Variants in RABGAP1L observed in about 807,000 individuals in gnomAD.
RABGAP1L encodes the protein rab GTPase-activating protein 1-like.
In RABGAP1L, 63 loss-of-function variants were observed where a neutral mutation model predicts 137.7. That is an observed-to-expected ratio of 0.46 (90% CI 0.37 to 0.56). The LOEUF is 0.56. Ranked by LOEUF, RABGAP1L falls within the 20% of genes least tolerant of loss-of-function variation. RABGAP1L has a pLI of 0.00. For synonymous variants in RABGAP1L, 431 were observed against 433.7 expected, an observed-to-expected ratio of 0.99 and a Z score of 0.08; for missense variants, 1,095 against 1,244.0, an observed-to-expected ratio of 0.88 and a Z score of 1.80.
chr1:174,327,980 C>CATATATATATATATATAT (rs1171437559), intron 11 of RABGAP1L, among the ~76,000 whole-genome samples: 3 of 105,940 alleles, frequency 2.8e-5, no homozygotes, highest in African/African-American at 8.2e-5. Context: ...TATATATATA[C>CATATATATATATATATAT]ACACACATAT....
At chr1:174,240,705 G>A (rs1299364640) in intron 4 of RABGAP1L, among the ~76,000 whole-genome samples, 9 of 152,204 alleles carry the variant, frequency 5.9e-5, no homozygotes, top group Admixed American at 5.9e-4. Flanking sequence ...TTAGGGCTTA[G>A]ATAAACTAAT....
intron 11 of RABGAP1L, among the ~76,000 whole-genome samples, chr1:174,346,627 CTT>C (rs965330204): frequency 6.6e-6 from 1 of 150,482 alleles, no homozygotes; most frequent in Non-Finnish European, 1.5e-5. Flanking sequence ...TGGGGCTTCT[CTT>C]TTTTTTTCTT....
At chr1:174,461,046 A>G (rs981618027) in intron 13 of RABGAP1L, among the ~76,000 whole-genome samples, 2 of 152,186 alleles carry the variant, frequency 1.3e-5, no homozygotes, top group African/African-American at 2.4e-5. Flanking sequence ...GAATTCTGTC[A>G]GTGCTGTTCT....
At chr1:174,647,144 C>T (rs781127040) in intron 14 of RABGAP1L, among the ~76,000 whole-genome samples, 1 of 152,104 alleles carries the variant, frequency 6.6e-6, no homozygotes, top group Non-Finnish European at 1.5e-5. Context: ...ATAATCATGT[C>T]ATCTGCAAAC....
chr1:174,633,799 A>C (rs1464488532), intron 13 of RABGAP1L, among the ~76,000 whole-genome samples: 36 of 139,614 alleles, frequency 2.6e-4, no homozygotes, highest in African/African-American at 8.5e-4. Flanking sequence ...TTCCCTATTT[A>C]ATAAATGGTG....
At chr1:174,429,022 TA>T (rs1652285788) in intron 13 of RABGAP1L, among the ~76,000 whole-genome samples, 1 of 152,230 alleles carries the variant, frequency 6.6e-6, no homozygotes, top group East Asian at 1.9e-4. Flanking sequence ...TACAGCTATG[TA>T]AAATTAAATT....
chr1:174,430,860 A>T (rs1200002772), intron 13 of RABGAP1L, among the ~76,000 whole-genome samples: 1 of 152,202 alleles, frequency 6.6e-6, no homozygotes, highest in Non-Finnish European at 1.5e-5. Flanking sequence ...TCATAAAGAC[A>T]AGAGCATGAG....
intron 19 of RABGAP1L, among the ~76,000 whole-genome samples, chr1:174,906,132 C>T (rs142776743): frequency 2.6e-5 from 4 of 152,188 alleles, no homozygotes; most frequent in Non-Finnish European, 5.9e-5. Context: ...ATTCTTCCAC[C>T]TCAGCCTCCT....
intron 20 of RABGAP1L, chr1:174,957,930 C>T (rs766884465): frequency 6.3e-7 from 1 of 1,580,206 alleles, no homozygotes; most frequent in South Asian, 1.2e-5. Context: ...TGCATTTATA[C>T]TGGGAATCTT....
At chr1:174,985,933 CCTTT>C (rs937331920) in intron 24 of RABGAP1L, among the ~76,000 whole-genome samples, 2 of 152,086 alleles carry the variant, frequency 1.3e-5, no homozygotes, top group East Asian at 1.9e-4. Context: ...ACCAATCCTT[CCTTT>C]CTTTTTTTCT....
chr1:174,766,615 AG>A (rs972835714), intron 18 of RABGAP1L, among the ~76,000 whole-genome samples: 2 of 152,180 alleles, frequency 1.3e-5, no homozygotes, highest in Non-Finnish European at 1.5e-5. Context: ...TCAGTTTGTC[AG>A]TTTCTGCCAA....
At chr1:174,327,980 C>CATATATATATATATAT (rs1171437559) in intron 11 of RABGAP1L, among the ~76,000 whole-genome samples, 1 of 105,940 alleles carries the variant, frequency 9.4e-6, no homozygotes, top group African/African-American at 4.1e-5. Context: ...TATATATATA[C>CATATATATATATATAT]ACACACATAT....
intron 14 of RABGAP1L, among the ~76,000 whole-genome samples, chr1:174,682,040 G>A (rs1168590096): frequency 6.6e-6 from 1 of 152,068 alleles, no homozygotes; most frequent in East Asian, 1.9e-4. Context: ...TAGCACTTTG[G>A]GAGGCTGAGG....
At chr1:174,334,814 G>A (rs894508406) in intron 11 of RABGAP1L, among the ~76,000 whole-genome samples, 2 of 152,154 alleles carry the variant, frequency 1.3e-5, no homozygotes, top group African/African-American at 4.8e-5. Context: ...GGATAGTAAT[G>A]TCAATGAATG....
In RABGAP1L at chr1:174,596,688, C is replaced by T. The variant is rs566343517; in HGVS notation, c.1711-40687C>T. Among the ~76,000 whole-genome samples the T allele has an allele frequency of 9.2e-5, 14 of 152,200 alleles. 1 individual carries two copies. The South Asian group carries it at 2.5e-3, about 27-fold the overall frequency. On this transcript the variant is annotated intron_variant, in intron 13 of 25. Coordinates refer to ENST00000681986, the MANE Select transcript of RABGAP1L (RefSeq NM_001366446.1). The stretch of plus-strand genomic sequence containing the variant: ...AAGGATAATTTGACTTCTTCCATTT[C>T]AGTTTGGATGACCTTTATTTCTTTA...
At chr1:174,486,581 C>A (rs899870331) in intron 13 of RABGAP1L, among the ~76,000 whole-genome samples, 1 of 151,926 alleles carries the variant, frequency 6.6e-6, no homozygotes, top group Non-Finnish European at 1.5e-5. Context: ...CCCCTGACCT[C>A]GTGATCTGCC....
At chr1:174,852,751 G>A (rs1648584691) in intron 19 of RABGAP1L, among the ~76,000 whole-genome samples, 1 of 152,012 alleles carries the variant, frequency 6.6e-6, no homozygotes, top group Non-Finnish European at 1.5e-5. Flanking sequence ...AGGAGACAGA[G>A]GCTGCAGTGA....
chr1:174,969,131 A>G (rs895793422), intron 20 of RABGAP1L, 146 bp from the exon 21 acceptor site: 5 of 633,866 alleles, frequency 7.9e-6, no homozygotes, highest in African/African-American at 3.7e-5. Flanking sequence ...TTTCCCAGAC[A>G]GCAATCCTGC....
At chr1:174,589,765 A>G (rs1329758099) in intron 13 of RABGAP1L, among the ~76,000 whole-genome samples, 2 of 152,108 alleles carry the variant, frequency 1.3e-5, no homozygotes, top group Admixed American at 1.3e-4. Flanking sequence ...AATGAGTTCA[A>G]TGTAGATGTA....
Sources: gnomAD v4.1 joint callset for allele counts (sites outside exome capture counted in the v4.1 genomes callset) on GRCh38, gnomAD v4.1.1 for gene constraint, MANE v1.5 for transcripts, NCBI Gene and HGNC (gene_info 2026-07-23, HGNC 2026-07-21) for gene names.